CLIC5: variants seen among roughly 807,000 people sequenced by gnomAD.
The protein encoded by CLIC5 is CLIC family member 5.
Under a neutral mutation model 24.7 loss-of-function variants are expected in CLIC5, and 20 were observed. That is an observed-to-expected ratio of 0.81 (90% CI 0.57 to 1.18). CLIC5 has a LOEUF of 1.18. Among genes scored for constraint, CLIC5 ranks in the 50% most tolerant of loss-of-function variants. The pLI, the probability that CLIC5 is intolerant of heterozygous loss-of-function variation, is 0.00. For missense variants in CLIC5, 341 were observed against 326.1 expected (o/e 1.05, Z -0.35); for synonymous variants, 159 against 135.6 (o/e 1.17, Z -1.20).
intron 1 of CLIC5, among the ~76,000 whole-genome samples, chr6:45,973,765 C>A (rs945552202): frequency 1.3e-5 from 2 of 152,042 alleles, no homozygotes; most frequent in African/African-American, 4.8e-5. Flanking sequence ...GGTTAAACCC[C>A]ATCTCTACTA....
upstream of CLIC5, chr6:46,015,919 G>A: frequency 9.9e-7 from 1 of 1,005,310 alleles, no homozygotes; most frequent in Non-Finnish European, 1.2e-6. Flanking sequence ...GGGTCAGCCG[G>A]GCGGGGACGC....
chr6:45,945,242 C>T (rs1764252404), intron 3 of CLIC5, among the ~76,000 whole-genome samples: 2 of 152,116 alleles, frequency 1.3e-5, no homozygotes, highest in African/African-American at 4.8e-5. Context: ...TACAATAGCC[C>T]TATAAGATCA....
chr6:46,003,979 C>T (rs1762216950), intron 1 of CLIC5, among the ~76,000 whole-genome samples: 3 of 152,246 alleles, frequency 2.0e-5, no homozygotes, highest in South Asian at 4.1e-4. Flanking sequence ...CTTCCTTCCT[C>T]AAAGGATAAG....
intron 3 of CLIC5, among the ~76,000 whole-genome samples, chr6:45,946,630 C>T (rs184416348): frequency 1.3e-5 from 2 of 152,274 alleles, no homozygotes; most frequent in East Asian, 3.9e-4. Flanking sequence ...TGACAACCTC[C>T]CAGCCACTCC....
chr6:46,055,868 G>A (rs116178040), intron 1 of CLIC5, among the ~76,000 whole-genome samples: 4,022 of 152,246 alleles, frequency 0.026, 166 homozygotes, highest in African/African-American at 0.093. Context: ...CTTTGTATGA[G>A]GTACCTAGAG....
intron 1 of CLIC5, among the ~76,000 whole-genome samples, chr6:46,027,276 T>C (rs1269535204): frequency 1.3e-5 from 2 of 152,190 alleles, no homozygotes; most frequent in African/African-American, 4.8e-5. Context: ...TCTGAAGTGA[T>C]GACATTTAAG....
chr6:45,982,061 A>T (rs1182810623), intron 1 of CLIC5, among the ~76,000 whole-genome samples: 2 of 152,044 alleles, frequency 1.3e-5, no homozygotes, highest in African/African-American at 4.8e-5. Flanking sequence ...TGAGGTTTTG[A>T]TCTTGGAATG....
intron 3 of CLIC5, among the ~76,000 whole-genome samples, chr6:45,946,859 A>C (rs1320490899): frequency 6.6e-6 from 1 of 152,218 alleles, no homozygotes; most frequent in Non-Finnish European, 1.5e-5. Context: ...CCACCTTGGT[A>C]GGCTTCTGGA....
rs1762547726 is a variant in CLIC5, at chr6:45,902,939, G to C, written c.*149C>G. On this transcript the variant is annotated 3_prime_UTR_variant, in exon 6 of 6. Coordinates refer to ENST00000339561, the MANE Select transcript of CLIC5 (RefSeq NM_016929.5). ...ATGGTGCTGACCTTCATGAAAGATA[G>C]CAGGCTGGAGTTCCCATGATACCAG... is the stretch of plus-strand genomic sequence containing the variant. 2.5e-6 allele frequency: 2 copies of C among 786,184 alleles called. No individual in the cohort carries two copies. Among genetic ancestry groups the C allele is most frequent in the South Asian group, 3.5e-5 (2 of 57,940 alleles). 48.7% of individuals were successfully genotyped at this position (786,184 alleles called of 1,614,324 possible).
At chr6:46,018,220 G>T (rs1046447068), upstream of CLIC5, among the ~76,000 whole-genome samples, 4 of 152,118 alleles carry the variant, frequency 2.6e-5, no homozygotes, top group Non-Finnish European at 2.9e-5. Context: ...TGTCTTCGAG[G>T]GTTTTGGTTT....
intron 1 of CLIC5, among the ~76,000 whole-genome samples, chr6:45,979,232 T>C (rs1038714243): frequency 2.6e-5 from 4 of 152,156 alleles, no homozygotes; most frequent in African/African-American, 9.7e-5. Context: ...AGGACACATG[T>C]ATTATATGTG....
At chr6:45,961,062 T>C (rs774988417) in intron 1 of CLIC5, among the ~76,000 whole-genome samples, 3 of 152,264 alleles carry the variant, frequency 2.0e-5, no homozygotes, top group Non-Finnish European at 4.4e-5. Flanking sequence ...CTACATCAGA[T>C]GCTTAAATGT....
chr6:45,962,455 G>A (rs1412118986), intron 1 of CLIC5, among the ~76,000 whole-genome samples: 1 of 134,756 alleles, frequency 7.4e-6, no homozygotes, highest in Non-Finnish European at 1.5e-5. Flanking sequence ...TTTACTCAAA[G>A]TTCACCAATT....
rs374309037 is a variant in CLIC5 at position 45,913,484 on chromosome 6, G to T, written c.588+744C>A. On this transcript the variant is annotated intron_variant, in intron 5 of 5. Transcript: ENST00000339561. ...TTTAATAATCAGAGCTATCTAACAT[G>T]GTAGGGCTGGCTCATTAAGCAGAGG... Among the ~76,000 whole-genome samples the T allele has an allele frequency of 3.3e-5, 5 of 152,306 alleles. No homozygotes were observed. In the South Asian group the frequency reaches 8.3e-4, roughly 25 times the overall value.
At chr6:45,971,363 T>C (rs1765194854) in intron 1 of CLIC5, among the ~76,000 whole-genome samples, 1 of 152,208 alleles carries the variant, frequency 6.6e-6, no homozygotes, top group African/African-American at 2.4e-5. Flanking sequence ...AGGGTTGTTG[T>C]ACATGTTTTT....
chr6:46,081,224 T>C (rs1435970736), upstream of CLIC5, among the ~76,000 whole-genome samples: 1 of 152,228 alleles, frequency 6.6e-6, no homozygotes, highest in Non-Finnish European at 1.5e-5. Flanking sequence ...GCTGTGAATA[T>C]GTGTGCCCCC....
At chr6:45,965,097 G>C (rs1323358112) in intron 1 of CLIC5, among the ~76,000 whole-genome samples, 1 of 152,056 alleles carries the variant, frequency 6.6e-6, no homozygotes, top group African/African-American at 2.4e-5. Flanking sequence ...TAGCGTTCAG[G>C]GTTTTGTGTA....
intron 4 of CLIC5, among the ~76,000 whole-genome samples, chr6:45,917,372 T>C (rs1180186607): frequency 6.6e-6 from 1 of 152,096 alleles, no homozygotes; most frequent in Non-Finnish European, 1.5e-5. Context: ...AAACGTGGGG[T>C]CCTCCTGTTC....
intron 1 of CLIC5, among the ~76,000 whole-genome samples, chr6:45,980,945 G>C (rs1765549545): frequency 6.6e-6 from 1 of 151,952 alleles, no homozygotes; most frequent in Non-Finnish European, 1.5e-5. Flanking sequence ...CCTTATTACA[G>C]GTTCATTTAG....
Sources: allele counts gnomAD v4.1 joint callset (sites outside exome capture counted in the v4.1 genomes callset), GRCh38; gene constraint gnomAD v4.1.1; transcripts MANE v1.5; gene names NCBI Gene and HGNC (gene_info 2026-07-23, HGNC 2026-07-21).